The following ICA1 variants were observed in gnomAD, a reference collection of about 807,000 sequenced individuals.
ICA1 encodes 69 kDa islet cell autoantigen.
In ICA1, 40 loss-of-function variants were observed where a neutral mutation model predicts 71.0. The observed-to-expected ratio is 0.56, with a 90% CI of 0.44 to 0.73. The LOEUF is 0.73. Among genes scored for constraint, ICA1 ranks in the 30% least tolerant of loss-of-function variants. The pLI is 0.00. For missense variants in ICA1, 578 were observed against 576.5 expected, an observed-to-expected ratio of 1.00 and a Z score of -0.03; for synonymous variants, 207 against 209.5, an observed-to-expected ratio of 0.99 and a Z score of 0.10.
At chr7:8,160,182 A>G (rs1271777323) in intron 6 of ICA1, among the ~76,000 whole-genome samples, 2 of 152,228 alleles carry the variant, frequency 1.3e-5, no homozygotes, top group African/African-American at 4.8e-5. Context: ...GTAGTTTAAG[A>G]AGTGATGATT....
chr7:8,221,884 T>G, intron 4 of ICA1, among the ~76,000 whole-genome samples: 1 of 152,040 alleles, frequency 6.6e-6, no homozygotes, highest in East Asian at 1.9e-4. Flanking sequence ...AGGTTTTTGG[T>G]TGGAAGTGGG....
intron 6 of ICA1, among the ~76,000 whole-genome samples, chr7:8,174,725 C>T (rs1297162690): frequency 7.1e-6 from 1 of 141,248 alleles, no homozygotes; most frequent in East Asian, 2.1e-4. Flanking sequence ...CACTGTGCTC[C>T]AGCCTGGGTG....
chr7:8,222,058 G>A lies in ICA1; in HGVS notation c.257-660C>T, dbSNP rs983589101. Among the ~76,000 whole-genome samples, 2 of 152,104 alleles carry A rather than the reference G, an allele frequency of 1.3e-5. No homozygotes were observed. The highest frequency in any genetic ancestry group is 2.9e-5 in the Non-Finnish European group (2 of 68,004). ...GTAAGTGATTTGGTGCAAGCTTTCT[G>A]CAGACTGATTTGACGGTAAACATTT... On this transcript the variant is annotated intron_variant, in intron 4 of 13. Coordinates refer to ENST00000402384, the MANE Select transcript of ICA1 (RefSeq NM_001136020.3). This position sits in a 1 kb window ranked among gnomAD's most constrained non-coding sequence, Gnocchi z 4.8.
intron 1 of ICA1, among the ~76,000 whole-genome samples, chr7:8,258,565 A>C (rs1811086761): frequency 6.6e-6 from 1 of 152,242 alleles, no homozygotes; most frequent in African/African-American, 2.4e-5. Context: ...CCAAGTTGAC[A>C]TAATGATTTA....
rs60704635 is a variant in ICA1 at position 8,206,733 on chromosome 7, GAAAAAAAAA to G, written c.579+11563_579+11571del. 2.1e-4 allele frequency among the ~76,000 whole-genome samples: 28 copies of G among 135,636 alleles called. No individual in the cohort carries two copies. The South Asian group carries it at 6.0e-3, about 29-fold the overall frequency. The allele number at this position is 135,636 out of a possible 152,430, so 89.0% of individuals were successfully genotyped here. A position where few individuals can be genotyped will look rare whatever the true frequency, so the allele number is the denominator to read the frequency against. On this transcript the variant is annotated intron_variant, in intron 6 of 13. Transcript: ENST00000402384. Reference sequence around the variant, plus strand: ...GATCTTTCTCCCACAGGTTTAAAATGAAAAAAAAAAAAAAAAAAAAAAGAAAGAGAACAA... The same window carrying G: ...GATCTTTCTCCCACAGGTTTAAAATGAAAAAAAAAAAAAGAAAGAGAACAA...
At chr7:8,243,755 C>T (rs1402878478) in intron 1 of ICA1, among the ~76,000 whole-genome samples, 3 of 152,174 alleles carry the variant, frequency 2.0e-5, no homozygotes, top group Admixed American at 1.3e-4. Context: ...AAATCATAAG[C>T]GTTCCTATAC....
At chr7:8,124,476 G>C (rs1174153780) in intron 13 of ICA1, among the ~76,000 whole-genome samples, 1 of 149,984 alleles carries the variant, frequency 6.7e-6, no homozygotes, top group Non-Finnish European at 1.5e-5. Context: ...AAAAACTCAA[G>C]CTAACATTCA....
intron 1 of ICA1, among the ~76,000 whole-genome samples, chr7:8,242,626 G>A (rs994443076): frequency 1.3e-5 from 2 of 152,150 alleles, no homozygotes; most frequent in Admixed American, 6.5e-5. Flanking sequence ...GAATCCAGGA[G>A]CTGGTTTTTT....
chr7:8,209,517 A>G (rs1792853222), intron 6 of ICA1, among the ~76,000 whole-genome samples: 1 of 152,224 alleles, frequency 6.6e-6, no homozygotes, highest in African/African-American at 2.4e-5. Context: ...TAAGATGCAT[A>G]TTATGTTTAT....
chr7:8,159,071 T>C (rs964100799), intron 6 of ICA1, among the ~76,000 whole-genome samples: 1 of 152,304 alleles, frequency 6.6e-6, no homozygotes, highest in Non-Finnish European at 1.5e-5. Context: ...TTATAGAACA[T>C]GCTACATTTG....
At chr7:8,169,087 T>C (rs1807269597) in intron 6 of ICA1, among the ~76,000 whole-genome samples, 1 of 152,142 alleles carries the variant, frequency 6.6e-6, no homozygotes, top group African/African-American at 2.4e-5. Flanking sequence ...CTTTCTACAG[T>C]TTCATATAAA....
chr7:8,130,335 A>G lies in ICA1; in HGVS notation c.1061-2193T>C, dbSNP rs1226080475. Among the ~76,000 whole-genome samples the G allele has an allele frequency of 2.6e-5, 4 of 152,118 alleles. No homozygotes were observed. Among genetic ancestry groups the G allele is most frequent in the Non-Finnish European group, 4.4e-5 (3 of 68,004 alleles). Reference sequence around the variant, plus strand: ...GACTGTAAGGTCAGGCAGGTGGCCCACCTCTGTGGATGAAGGCAGGAGCTG... The same window carrying G: ...GACTGTAAGGTCAGGCAGGTGGCCCGCCTCTGTGGATGAAGGCAGGAGCTG... On this transcript the variant is annotated intron_variant, in intron 12 of 13. Transcript: ENST00000402384. This position sits in a 1 kb window ranked among gnomAD's most constrained non-coding sequence, Gnocchi z 4.2.
intron 6 of ICA1, 89 bp downstream of exon 6, chr7:8,218,216 G>A (rs1795962501): frequency 1.7e-6 from 2 of 1,144,608 alleles, no homozygotes; most frequent in Non-Finnish European, 2.6e-6. Context: ...GTGCTTTTGA[G>A]TTATGTCTTC....
At chr7:8,224,503 T>C (rs980101866) in intron 4 of ICA1, among the ~76,000 whole-genome samples, 1 of 152,142 alleles carries the variant, frequency 6.6e-6, no homozygotes, top group Non-Finnish European at 1.5e-5. Flanking sequence ...TACAGAAAAA[T>C]TACAAACAGT....
rs1181047579 is a variant in ICA1, at chr7:8,223,533, T to C, written c.257-2135A>G. 1.3e-5 allele frequency: 2 copies of C among 154,566 alleles called. No individual in the cohort carries two copies. Among genetic ancestry groups the C allele is most frequent in the South Asian group, 4.1e-4 (2 of 4,914 alleles). The allele number at this position is 154,566 out of a possible 1,614,324, so 9.6% of individuals were successfully genotyped here. On this transcript the variant is annotated intron_variant, in intron 4 of 13. Transcript: ENST00000402384. The surrounding 1 kb of genome is among the most constrained non-coding windows in gnomAD (Gnocchi z 4.1). ...GTGTGAGCTCCATCAGGGTCAAGGT[T>C]AGATTTTCTGAGAAGGGATGGTCAT... is the stretch of plus-strand genomic sequence containing the variant.
At chr7:8,225,468 G>A (rs1312941041) in intron 4 of ICA1, among the ~76,000 whole-genome samples, 4 of 152,058 alleles carry the variant, frequency 2.6e-5, no homozygotes, top group African/African-American at 7.2e-5. Context: ...AACAATATAG[G>A]TGCATCTTGA....
chr7:8,186,567 T>G (rs953514688), intron 6 of ICA1, among the ~76,000 whole-genome samples: 1 of 152,210 alleles, frequency 6.6e-6, no homozygotes, highest in Middle Eastern at 3.4e-3. Flanking sequence ...AGACAGGGGA[T>G]GGATGACAGA....
intron 3 of ICA1, 32 bp from the exon 4 acceptor site, chr7:8,228,705 AAAAC>A: frequency 6.9e-7 from 1 of 1,446,424 alleles, no homozygotes; most frequent in African/African-American, 1.4e-5. Flanking sequence ...AATGCAAAAT[AAAAC>A]AGACAGTGGT....
At chr7:8,124,005 T>C (rs1029592867) in intron 13 of ICA1, among the ~76,000 whole-genome samples, 3 of 151,988 alleles carry the variant, frequency 2.0e-5, no homozygotes, top group Non-Finnish European at 4.4e-5. Context: ...TTAAAATTCA[T>C]CCATGTGAAA....
Sources: allele counts gnomAD v4.1 joint callset (sites outside exome capture counted in the v4.1 genomes callset), GRCh38; gene constraint gnomAD v4.1.1; non-coding constraint Gnocchi (gnomAD v3.1); transcripts MANE v1.5; gene names NCBI Gene and HGNC (gene_info 2026-07-23, HGNC 2026-07-21).